Variants in DZIP1 observed in about 807,000 individuals in gnomAD.
The protein encoded by DZIP1 is DAZ interacting zinc finger protein 1.
In DZIP1, 97 loss-of-function variants were observed where a neutral mutation model predicts 107.6. The ratio of observed to expected loss-of-function variants is 0.90; its 90% CI spans 0.77 to 1.07. The LOEUF is 1.07. Among genes scored for constraint, DZIP1 ranks in the 50% least tolerant of loss-of-function variants. The pLI, the probability that DZIP1 is intolerant of heterozygous loss-of-function variation, is 0.00. For synonymous variants in DZIP1, 390 were observed against 386.4 expected (o/e 1.01, Z -0.11); for missense variants, 1,035 against 1,063.6 (o/e 0.97, Z 0.37).
intron 15 of DZIP1, 87 bp downstream of exon 15, chr13:95,599,277 TA>T: frequency 8.3e-7 from 1 of 1,202,036 alleles, no homozygotes; most frequent in Non-Finnish European, 1.2e-6. Flanking sequence ...TGTAGTGGAA[TA>T]AAAACCACTG....
Position 95,641,992 on chromosome 13 carries a change from A to C in DZIP1, c.36+2T>G. 1 of 1,579,458 alleles carries C rather than the reference A, an allele frequency of 6.3e-7. No homozygotes were observed. Among genetic ancestry groups the C allele is most frequent in the East Asian group, 2.5e-5 (1 of 40,176 alleles). ...GGGGCGCCCCGGCCTCCCGCCTCTT[A>C]CCATGCTTGAAAACCAATCCGCTGC... On this transcript the variant is annotated splice_donor_variant, in intron 4 of 22. Transcript: ENST00000376829. LOFTEE classifies it high-confidence loss of function. The surrounding 1 kb of genome is among the most constrained non-coding windows in gnomAD (Gnocchi z 4.3).
chr13:95,619,626 G>A (rs1397215361), intron 10 of DZIP1, among the ~76,000 whole-genome samples: 2 of 151,240 alleles, frequency 1.3e-5, no homozygotes, highest in African/African-American at 4.9e-5. Context: ...ACTTTTTAAT[G>A]GGAACAACTT....
At chr13:95,590,507 G>A (rs2044284104) in intron 16 of DZIP1, 66 bp from the exon 17 acceptor site, 2 of 1,464,746 alleles carry the variant, frequency 1.4e-6, no homozygotes, top group Non-Finnish European at 9.2e-7. Flanking sequence ...GCATATATCA[G>A]CATTAACTGT....
In DZIP1 at chr13:95,579,020, C is replaced by T. The variant is rs1300118293; in HGVS notation, c.*3214G>A. On this transcript the variant is annotated 3_prime_UTR_variant, in exon 23 of 23. Transcript: ENST00000376829. ...TGGTTGACTGAGGAGCCAATTAAAACCTGTTTATGCCTAGTGTTCCATTAT... is the reference window on the plus strand; with the variant it reads ...TGGTTGACTGAGGAGCCAATTAAAATCTGTTTATGCCTAGTGTTCCATTAT... 1.3e-5 allele frequency: 2 copies of T among 152,140 alleles called. No homozygotes were observed. Among genetic ancestry groups the T allele is most frequent in the African/African-American group, 4.8e-5 (2 of 41,428 alleles). The allele number at this position is 152,140 out of a possible 1,614,324, so 9.4% of individuals were successfully genotyped here.
intron 12 of DZIP1, among the ~76,000 whole-genome samples, chr13:95,610,315 T>TG (rs1200396706): frequency 2.0e-5 from 3 of 147,110 alleles, no homozygotes; most frequent in Non-Finnish European, 4.5e-5. Flanking sequence ...GTTTTTTGGT[T>TG]TTTTTTTTTT....
chr13:95,588,626 T>A (rs979447592), intron 19 of DZIP1, among the ~76,000 whole-genome samples: 1 of 152,118 alleles, frequency 6.6e-6, no homozygotes, highest in East Asian at 1.9e-4. Flanking sequence ...ACTTAAAACA[T>A]CCCATACTAC....
intron 9 of DZIP1, 123 bp from the exon 10 acceptor site, chr13:95,620,070 G>A (rs188680445): frequency 5.8e-6 from 6 of 1,041,588 alleles, no homozygotes; most frequent in Non-Finnish European, 5.6e-6. Flanking sequence ...ATTTTAGCTA[G>A]TGAAACAGTT....
In DZIP1 at chr13:95,587,605, T is replaced by G; in HGVS notation, c.2152A>C (p.Lys718Gln). ...CCCTCGGTCCCGTCCGCGTCACTTT[T>G]CACTGTGTTCTTCCCGAAGCTGCCC... Reference protein sequence around the residue: ...NKGSFGKNTVKSDADGTEGSE... With the variant: ...NKGSFGKNTVQSDADGTEGSE... The change falls in exon 20 of 23, where the codon AAA (lysine) becomes CAA (glutamine). Residue 718 changes from lysine (K) to glutamine (Q), a missense_variant. Physicochemically the swap from Lys to Gln is moderately conservative, Grantham distance 53. Transcript: ENST00000376829. The G allele has an allele frequency of 6.2e-7, 1 of 1,614,162 alleles. No individual in the cohort carries two copies. Among genetic ancestry groups the G allele is most frequent in the African/African-American group, 1.3e-5 (1 of 75,044 alleles).
chr13:95,605,490 CCTGGT>C (rs2044745552), intron 14 of DZIP1, among the ~76,000 whole-genome samples: 1 of 152,152 alleles, frequency 6.6e-6, no homozygotes. Context: ...AGAACTGAAC[CCTGGT>C]AATGATTTCA....
chr13:95,590,051 G>T, intron 17 of DZIP1, 119 bp from the exon 18 acceptor site: 1 of 1,334,110 alleles, frequency 7.5e-7, no homozygotes, highest in South Asian at 1.5e-5. Flanking sequence ...CATCTCTAGG[G>T]TTTAAAGCCA....
intron 22 of DZIP1, among the ~76,000 whole-genome samples, chr13:95,583,167 C>T (rs2044056644): frequency 6.6e-6 from 1 of 151,770 alleles, no homozygotes; most frequent in South Asian, 2.1e-4. Context: ...TGGCTGACAC[C>T]TGTAATCCCA....
intron 10 of DZIP1, among the ~76,000 whole-genome samples, chr13:95,617,298 GC>G (rs1173776232): frequency 6.6e-6 from 1 of 152,126 alleles, no homozygotes; most frequent in Non-Finnish European, 1.5e-5. Context: ...GAAGTCAACA[GC>G]CATGCTGTGC....
intron 10 of DZIP1, among the ~76,000 whole-genome samples, chr13:95,613,070 A>G (rs879920033): frequency 9.2e-5 from 14 of 152,292 alleles, no homozygotes; most frequent in African/African-American, 3.4e-4. Context: ...AGACACACAG[A>G]CATATTCATC....
intron 14 of DZIP1, among the ~76,000 whole-genome samples, chr13:95,600,553 T>C (rs2044582493): frequency 6.7e-6 from 1 of 149,824 alleles, no homozygotes; most frequent in African/African-American, 2.5e-5. Flanking sequence ...AGACAAATGA[T>C]AGAGAGAGAG....
rs1232923409 is a variant in DZIP1 at position 95,579,807 on chromosome 13, T to C, written c.*2427A>G. 23 of 152,138 alleles carry C rather than the reference T, an allele frequency of 1.5e-4. No homozygotes were observed. Among genetic ancestry groups the C allele is most frequent in the Admixed American group, 1.5e-3 (23 of 15,272 alleles). The allele number at this position is 152,138 out of a possible 1,614,324, so 9.4% of individuals were successfully genotyped here. ...AGAAATACAAATCAACTGAAAGACA[T>C]GAAGGTAGATTAGGTCCTACAGGCC... On this transcript the variant is annotated 3_prime_UTR_variant, in exon 23 of 23. Coordinates refer to ENST00000376829, the MANE Select transcript of DZIP1 (RefSeq NM_198968.4).
At chr13:95,613,127 CAAG>C (rs1042508297) in intron 10 of DZIP1, among the ~76,000 whole-genome samples, 5 of 152,096 alleles carry the variant, frequency 3.3e-5, no homozygotes, top group African/African-American at 7.2e-5. Flanking sequence ...AAAAAGAATT[CAAG>C]AAGAATTTGT....
intron 9 of DZIP1, among the ~76,000 whole-genome samples, chr13:95,620,591 A>G (rs1254975050): frequency 6.6e-6 from 1 of 152,198 alleles, no homozygotes; most frequent in Non-Finnish European, 1.5e-5. Context: ...TCACAACACA[A>G]CACAATACAG....
At chr13:95,632,466 G>C (rs1877301887) in intron 6 of DZIP1, among the ~76,000 whole-genome samples, 1 of 152,160 alleles carries the variant, frequency 6.6e-6, no homozygotes, top group African/African-American at 2.4e-5. Context: ...CACCTGCCTG[G>C]GGACAAAGCT....
At chr13:95,611,037 T>C (rs1267508554) in intron 12 of DZIP1, among the ~76,000 whole-genome samples, 1 of 152,210 alleles carries the variant, frequency 6.6e-6, no homozygotes, top group African/African-American at 2.4e-5. Context: ...ATTCCTGCTA[T>C]AAAGCTGAGG....
Sources: allele counts gnomAD v4.1 joint callset (sites outside exome capture counted in the v4.1 genomes callset), GRCh38; gene constraint gnomAD v4.1.1; non-coding constraint Gnocchi (gnomAD v3.1); transcripts MANE v1.5; gene names NCBI Gene and HGNC (gene_info 2026-07-23, HGNC 2026-07-21).